Variants in CDYL2 observed in about 807,000 individuals in gnomAD.
CDYL2 encodes chromodomain Y-like protein 2.
A neutral mutation model predicts 49.4 loss-of-function variants in CDYL2; 23 were observed. That is an observed-to-expected ratio of 0.47 (90% confidence interval 0.34 to 0.66). The LOEUF is 0.66. Among genes scored for constraint, CDYL2 ranks in the 30% least tolerant of loss-of-function variants. The pLI is 0.01. For missense variants in CDYL2, 678 were observed against 656.4 expected (o/e 1.03, Z -0.36); for synonymous variants, 360 against 268.8 (o/e 1.34, Z -3.32).
intron 2 of CDYL2, among the ~76,000 whole-genome samples, chr16:80,650,203 G>A (rs879713752): frequency 1.3e-5 from 2 of 152,084 alleles, no homozygotes; most frequent in Non-Finnish European, 2.9e-5. Context: ...GGGAGAAAAC[G>A]TGTACAAACT....
chr16:80,682,884 C>T (rs1910025184), intron 2 of CDYL2, among the ~76,000 whole-genome samples: 1 of 152,338 alleles, frequency 6.6e-6, no homozygotes, highest in South Asian at 2.1e-4. Context: ...GGCACAGTCA[C>T]GTCAGCGTCA....
chr16:80,659,573 C>T (rs954623661), intron 2 of CDYL2, among the ~76,000 whole-genome samples: 2 of 151,142 alleles, frequency 1.3e-5, no homozygotes, highest in African/African-American at 2.4e-5. Context: ...AGAAAAAGAA[C>T]AATTTGTATA....
chr16:80,645,993 G>A (rs1908324616), intron 2 of CDYL2, among the ~76,000 whole-genome samples: 2 of 118,318 alleles, frequency 1.7e-5, no homozygotes, highest in African/African-American at 6.3e-5. Flanking sequence ...CATGGGGTGG[G>A]GGGAGGGGGG....
At chr16:80,623,104 T>C (rs897660008) in intron 3 of CDYL2, among the ~76,000 whole-genome samples, 1 of 152,144 alleles carries the variant, frequency 6.6e-6, no homozygotes, top group Non-Finnish European at 1.5e-5. Flanking sequence ...CCAAGCACTT[T>C]CAAACTTCGC....
chr16:80,699,885 T>G (rs899486080), intron 1 of CDYL2, among the ~76,000 whole-genome samples: 2 of 150,132 alleles, frequency 1.3e-5, no homozygotes, highest in Admixed American at 1.3e-4. Context: ...TTTTTTTTTT[T>G]GAGACGGAGT....
chr16:80,802,498 G>T (rs1907956463), intron 1 of CDYL2, among the ~76,000 whole-genome samples: 3 of 152,306 alleles, frequency 2.0e-5, no homozygotes, highest in Admixed American at 2.0e-4. Flanking sequence ...CAAGGCGCTT[G>T]GGTGATCCAT....
In CDYL2 at chr16:80,632,887, C is replaced by T. The variant is rs753012020; in HGVS notation, c.834+132G>A. 2.0e-4 allele frequency: 154 copies of T among 780,552 alleles called. 1 individual carries two copies. Among genetic ancestry groups the T allele is most frequent in the Admixed American group, 3.7e-4 (15 of 40,738 alleles). 48.4% of individuals were successfully genotyped at this position (780,552 alleles called of 1,614,324 possible). ...AAAATGATGAGCAAATTGCGCGCTG[C>T]AGTCAAGTTTTTATGCACGCTAGTT... On this transcript the variant is annotated intron_variant, in intron 3 of 6. Transcript: ENST00000570137.
intron 1 of CDYL2, among the ~76,000 whole-genome samples, chr16:80,774,903 TAA>T (rs71730368): frequency 3.1e-4 from 45 of 146,740 alleles, no homozygotes; most frequent in Non-Finnish European, 6.0e-4. Context: ...AGCTAAATAT[TAA>T]AAAAAAAAAT....
At position 80,633,211 on chromosome 16, in the gene CDYL2, C is replaced by A. The variant is rs377472428; in HGVS notation, c.642G>T (p.Leu214Phe). 1.2e-6 allele frequency: 2 copies of A among 1,614,162 alleles called. No individual in the cohort carries two copies. Among genetic ancestry groups the A allele is most frequent in the Admixed American group, 1.7e-5 (1 of 60,024 alleles). The change falls in exon 3 of 7, where the codon TTG (leucine) becomes TTT (phenylalanine). Residue 214 changes from leucine (L) to phenylalanine (F), a missense_variant. Leu to Phe is a conservative substitution (Grantham distance 22). Transcript: ENST00000570137. ...TCCTCTTCACTGGACTGTGCAGGTT[C>A]AATCCCCCGTTGGTCAGAGCAGAGC... The part of the protein sequence containing the change: ...GLGSALTNGG[L>F]NLHSPVKRKL...
chr16:80,676,418 GC>G (rs1162703493), intron 2 of CDYL2, among the ~76,000 whole-genome samples: 1 of 152,144 alleles, frequency 6.6e-6, no homozygotes. Context: ...ACAAGAGGCT[GC>G]CCCGGGAACA....
rs147957709 is a variant in CDYL2, at chr16:80,713,553, C to T, written c.25-28424G>A. Among the ~76,000 whole-genome samples the T allele has an allele frequency of 2.0e-3, 300 of 152,168 alleles. 1 individual carries two copies. Among genetic ancestry groups the T allele is most frequent in the Middle Eastern group, 0.01 (3 of 294 alleles). On this transcript the variant is annotated intron_variant, in intron 1 of 6. Transcript: ENST00000570137. ...TCAAAGATTCCTCGGTGGGGGATGA[C>T]CGGCCTCAACACAATCTTCTCTACC...
At chr16:80,693,079 A>G (rs1910480598) in intron 1 of CDYL2, among the ~76,000 whole-genome samples, 1 of 151,260 alleles carries the variant, frequency 6.6e-6, no homozygotes, top group South Asian at 2.1e-4. Flanking sequence ...CATGCCAGGC[A>G]AACTCATCTA....
chr16:80,796,275 T>C (rs1907766364), intron 1 of CDYL2, among the ~76,000 whole-genome samples: 1 of 152,220 alleles, frequency 6.6e-6, no homozygotes, highest in Admixed American at 6.5e-5. Context: ...ATGAAGATTA[T>C]TTAGGATAAT....
chr16:80,662,683 T>C, intron 2 of CDYL2: 1 of 453,840 alleles, frequency 2.2e-6, no homozygotes, highest in South Asian at 1.6e-5. Context: ...GTAGGTGGAA[T>C]CCACATATGG....
intron 1 of CDYL2, among the ~76,000 whole-genome samples, chr16:80,729,786 G>C (rs1317468843): frequency 2.6e-5 from 4 of 152,064 alleles, no homozygotes; most frequent in Non-Finnish European, 4.4e-5. Flanking sequence ...TAGAACTCAG[G>C]ATTAAGAAAC....
chr16:80,619,266 C>A (rs1336602276), intron 4 of CDYL2, among the ~76,000 whole-genome samples: 1 of 152,192 alleles, frequency 6.6e-6, no homozygotes, highest in Non-Finnish European at 1.5e-5. Flanking sequence ...CTGCAAAGAG[C>A]CTTTTTCCAA....
At chr16:80,687,290 T>C (rs960460094) in intron 1 of CDYL2, among the ~76,000 whole-genome samples, 1 of 152,164 alleles carries the variant, frequency 6.6e-6, no homozygotes, top group Non-Finnish European at 1.5e-5. Context: ...ATATGCTCAC[T>C]TCCCGGGATG....
intron 1 of CDYL2, chr16:80,736,374 T>C (rs985034685): frequency 2.6e-5 from 4 of 152,232 alleles, no homozygotes; most frequent in Non-Finnish European, 5.9e-5. Flanking sequence ...CACACAGCAT[T>C]CAACAGACTA....
intron 4 of CDYL2, 22 bp downstream of exon 4, chr16:80,620,740 GT>G (rs1488326280): frequency 1.3e-6 from 2 of 1,559,388 alleles, no homozygotes; most frequent in African/African-American, 2.7e-5. Flanking sequence ...ACCCCAGGGT[GT>G]GTGAAAAGGA....
Sources: allele counts gnomAD v4.1 joint callset (sites outside exome capture counted in the v4.1 genomes callset), GRCh38; gene constraint gnomAD v4.1.1; transcripts MANE v1.5; gene names NCBI Gene and HGNC (gene_info 2026-07-23, HGNC 2026-07-21).